Variants in NPAS3 observed in about 807,000 individuals in gnomAD.
The protein encoded by NPAS3 is neuronal PAS domain protein 3.
Under a neutral mutation model 73.1 loss-of-function variants are expected in NPAS3, and 14 were observed. That is an observed-to-expected ratio of 0.19 (90% confidence interval 0.13 to 0.30). NPAS3 has a LOEUF of 0.30. Ranked by LOEUF, NPAS3 falls within the 10% of genes least tolerant of loss-of-function variation. NPAS3 has a pLI of 1.00. For missense variants in NPAS3, 1,096 were observed against 1,250.0 expected (o/e 0.88, Z 1.86); for synonymous variants, 620 against 541.5 (o/e 1.14, Z -2.01).
chr14:33,521,984 A>C (rs1452392787), intron 4 of NPAS3, among the ~76,000 whole-genome samples: 4 of 152,174 alleles, frequency 2.6e-5, no homozygotes, highest in Non-Finnish European at 5.9e-5. Context: ...AGCCCTTTGG[A>C]AGCCTCTTGC....
intron 2 of NPAS3, among the ~76,000 whole-genome samples, chr14:33,102,367 A>G (rs1038789819): frequency 7.9e-5 from 12 of 152,170 alleles, no homozygotes; most frequent in Admixed American, 7.9e-4. Flanking sequence ...TCTGACTCAT[A>G]GAACACCTGG....
intron 5 of NPAS3, among the ~76,000 whole-genome samples, chr14:33,611,559 C>G (rs977443052): frequency 4.6e-5 from 7 of 152,084 alleles, no homozygotes; most frequent in Admixed American, 6.5e-5. Context: ...ATAATGCCCT[C>G]GGGAATGCTA....
At chr14:33,190,227 G>T (rs773760820) in intron 2 of NPAS3, among the ~76,000 whole-genome samples, 1 of 152,196 alleles carries the variant, frequency 6.6e-6, no homozygotes, top group Non-Finnish European at 1.5e-5. Context: ...GATTGAGTTA[G>T]ATCTGTATGT....
intron 4 of NPAS3, among the ~76,000 whole-genome samples, chr14:33,479,722 A>G (rs78643725): frequency 0.011 from 1,654 of 151,976 alleles, 31 homozygotes; most frequent in African/African-American, 0.037. Flanking sequence ...TTGATCTCCA[A>G]TTTTGTGCAA....
chr14:33,198,751 C>A (rs1321925142), intron 2 of NPAS3, among the ~76,000 whole-genome samples: 1 of 152,236 alleles, frequency 6.6e-6, no homozygotes, highest in East Asian at 1.9e-4. Context: ...ACTCCTGAGC[C>A]CTTGGGTGGT....
chr14:33,304,186 T>A (rs7146457), intron 3 of NPAS3, among the ~76,000 whole-genome samples: 1 of 152,080 alleles, frequency 6.6e-6, no homozygotes, highest in Non-Finnish European at 1.5e-5. Context: ...TGTTAACAGA[T>A]TTAACTCTTG....
chr14:33,023,923 G>A (rs988466350), intron 1 of NPAS3, among the ~76,000 whole-genome samples: 2 of 151,908 alleles, frequency 1.3e-5, no homozygotes, highest in Admixed American at 6.6e-5. Flanking sequence ...ACTGTATGTC[G>A]ACCACTAATG....
At chr14:33,141,500 T>C (rs1417492652) in intron 2 of NPAS3, among the ~76,000 whole-genome samples, 1 of 152,226 alleles carries the variant, frequency 6.6e-6, no homozygotes, top group African/African-American at 2.4e-5. Flanking sequence ...ATTCTATGAA[T>C]CACAGTAGCT....
chr14:33,377,253 AAGAG>A (rs1181831496), intron 4 of NPAS3, among the ~76,000 whole-genome samples: 1 of 152,188 alleles, frequency 6.6e-6, no homozygotes, highest in Non-Finnish European at 1.5e-5. Flanking sequence ...GAAACTGAAA[AAGAG>A]AGAGTTTATA....
At chr14:33,700,833 C>T (rs1320279287) in intron 6 of NPAS3, among the ~76,000 whole-genome samples, 1 of 152,222 alleles carries the variant, frequency 6.6e-6, no homozygotes, top group Non-Finnish European at 1.5e-5. Flanking sequence ...CCCTGCAATT[C>T]ATTCCACCAC....
At chr14:33,070,735 A>C (rs939373558) in intron 2 of NPAS3, among the ~76,000 whole-genome samples, 8 of 152,220 alleles carry the variant, frequency 5.3e-5, no homozygotes, top group African/African-American at 1.4e-4. Context: ...GTATTCATGT[A>C]CTGCTGGACT....
At position 33,461,497 on chromosome 14, in the gene NPAS3, A is replaced by G. The variant is rs573397354; in HGVS notation, c.468+94229A>G. On this transcript the variant is annotated intron_variant, in intron 4 of 11. Transcript: ENST00000356141. ...AGACAGTATGGGTCAAACATCTTAA[A>G]TATGTTCACGAAAGGTTTTTATAAA... Among the ~76,000 whole-genome samples, 354 of 152,350 alleles carry G rather than the reference A, an allele frequency of 2.3e-3. 1 individual carries two copies. The highest frequency in any genetic ancestry group is 8.0e-3 in the African/African-American group (332 of 41,584).
chr14:33,453,672 A>C (rs1004145627), intron 4 of NPAS3, among the ~76,000 whole-genome samples: 1 of 152,202 alleles, frequency 6.6e-6, no homozygotes, highest in African/African-American at 2.4e-5. Context: ...TGATTTCACC[A>C]GTTCGGATTT....
intron 3 of NPAS3, among the ~76,000 whole-genome samples, chr14:33,351,110 T>A (rs1490232394): frequency 6.6e-6 from 1 of 152,226 alleles, no homozygotes; most frequent in Non-Finnish European, 1.5e-5. Flanking sequence ...CTGGTCAAAA[T>A]GTAGTTTTAA....
chr14:33,749,908 T>A (rs915567181), intron 7 of NPAS3, among the ~76,000 whole-genome samples: 2 of 152,152 alleles, frequency 1.3e-5, no homozygotes, highest in Admixed American at 1.3e-4. Flanking sequence ...GTCCTCTTCT[T>A]GGGGAAAACA....
intron 4 of NPAS3, among the ~76,000 whole-genome samples, chr14:33,480,678 T>TC (rs978633468): frequency 6.6e-6 from 1 of 151,412 alleles, no homozygotes; most frequent in Non-Finnish European, 1.5e-5. Flanking sequence ...TGTGACCCTT[T>TC]CCCCTGCAAG....
At chr14:32,972,964 A>G (rs2037499551) in intron 1 of NPAS3, among the ~76,000 whole-genome samples, 1 of 152,228 alleles carries the variant, frequency 6.6e-6, no homozygotes, top group African/African-American at 2.4e-5. Context: ...TGCTGTTTTT[A>G]CAAGGTAGAT....
intron 2 of NPAS3, among the ~76,000 whole-genome samples, chr14:33,126,024 A>C (rs769286290): frequency 9.9e-5 from 15 of 152,182 alleles, no homozygotes. Flanking sequence ...AAGAGCCGCC[A>C]TTTAGCCTTC....
chr14:33,394,332 A>C (rs898235609), intron 4 of NPAS3, among the ~76,000 whole-genome samples: 1 of 152,194 alleles, frequency 6.6e-6, no homozygotes, highest in Admixed American at 6.5e-5. Flanking sequence ...GAATTTAAAA[A>C]CAGTTTTACT....
Sources: allele counts gnomAD v4.1 joint callset (sites outside exome capture counted in the v4.1 genomes callset), GRCh38; gene constraint gnomAD v4.1.1; transcripts MANE v1.5; gene names NCBI Gene and HGNC (gene_info 2026-07-23, HGNC 2026-07-21).